USP4: variants seen among roughly 807,000 people sequenced by gnomAD.
The protein encoded by USP4 is ubiquitin carboxyl-terminal hydrolase 4.
Under a neutral mutation model 118.2 loss-of-function variants are expected in USP4, and 72 were observed. The ratio of observed to expected loss-of-function variants is 0.61; its 90% CI spans 0.50 to 0.74. The LOEUF (loss-of-function observed/expected upper bound fraction) is 0.74, where lower values mean the gene tolerates loss of function less well. USP4 is among the 30% of genes least tolerant of loss of function. The pLI is 0.00. For missense variants in USP4, 1,037 were observed against 1,185.7 expected (o/e 0.87, Z 1.84); for synonymous variants, 415 against 440.4 (o/e 0.94, Z 0.72).
At chr3:49,296,625 G>A (rs1431541581) in intron 13 of USP4, among the ~76,000 whole-genome samples, 1 of 152,072 alleles carries the variant, frequency 6.6e-6, no homozygotes, top group Admixed American at 6.6e-5. Context: ...CTCCTGCCTG[G>A]GAGACAGAGC....
Position 49,286,331 on chromosome 3 carries a change from A to G in USP4, c.1973-6T>C. ...CATTTCTTCCTCATCTTCTCCTGGC[A>G]CATAAATGGAAAACAATATGTATAT... is the stretch of plus-strand genomic sequence containing the variant. On this transcript the variant is annotated splice_region_variant and splice_polypyrimidine_tract_variant and intron_variant, in intron 15 of 21. Coordinates refer to ENST00000265560, the MANE Select transcript of USP4 (RefSeq NM_003363.4). 1 of 1,613,644 alleles carries G rather than the reference A, an allele frequency of 6.2e-7. No homozygotes were observed. Among genetic ancestry groups the G allele is most frequent in the Non-Finnish European group, 8.5e-7 (1 of 1,179,698 alleles).
At position 49,300,532 on chromosome 3, in the gene USP4, A is replaced by C; in HGVS notation, c.1447T>G (p.Leu483Val). 6.2e-7 allele frequency: 1 copy of C among 1,614,214 alleles called. No individual in the cohort carries two copies. Among genetic ancestry groups the C allele is most frequent in the Non-Finnish European group, 8.5e-7 (1 of 1,180,032 alleles). ...ACCTCCATAACTCGATCTTTCTTCAAGGGCAGTGGCAGCGTTAGATAGCAA... is the reference window on the plus strand; with the variant it reads ...ACCTCCATAACTCGATCTTTCTTCACGGGCAGTGGCAGCGTTAGATAGCAA... ...PFCYLTLPLP[L>V]KKDRVMEVFL... is the part of the protein sequence containing the mutation. Residue 483 changes from leucine to valine, a missense_variant, in exon 11 of 22, where the codon TTG becomes GTG. Coordinates refer to ENST00000265560, the MANE Select transcript of USP4 (RefSeq NM_003363.4).
chr3:49,327,803 C>G lies in USP4; in HGVS notation c.243G>C (p.Gln81His). Residue 81 changes from glutamine (Q) to histidine (H), a missense_variant, in exon 3 of 22, where the codon CAG becomes CAC. Coordinates refer to ENST00000265560, the MANE Select transcript of USP4 (RefSeq NM_003363.4). ...NSGLFSDPES[Q>H]TLKEHLIDEL... is the part of the protein sequence containing the mutation. Reference sequence around the variant, plus strand: ...CATCAATTAAGTGTTCTTTCAAGGTCTGACTCTCAGGATCTAAAAAAGGAA... The same window carrying G: ...CATCAATTAAGTGTTCTTTCAAGGTGTGACTCTCAGGATCTAAAAAAGGAA... 1 of 1,613,730 alleles carries G rather than the reference C, an allele frequency of 6.2e-7. No individual in the cohort carries two copies. Among genetic ancestry groups the G allele is most frequent in the African/African-American group, 1.3e-5 (1 of 75,026 alleles).
At chr3:49,308,410 C>T (rs1180600408) in intron 8 of USP4, among the ~76,000 whole-genome samples, 3 of 152,074 alleles carry the variant, frequency 2.0e-5, no homozygotes, top group Admixed American at 6.6e-5. Context: ...ACCTCCGCCT[C>T]CCGGGATCAA....
intron 7 of USP4, 36 bp from the exon 8 acceptor site, chr3:49,310,773 G>T (rs367715565): frequency 6.6e-7 from 1 of 1,523,490 alleles, no homozygotes; most frequent in East Asian, 2.3e-5. Context: ...ATAAAAGCAA[G>T]TGCATAACAC....
rs149212634 is a variant in USP4 at position 49,310,308 on chromosome 3, A to C, written c.954+312T>G. ...GCATCACCTGCTGTAAGTTTTCCTC[A>C]TCCCATCAGAGACCAATCAGGGATG... On this transcript the variant is annotated intron_variant, in intron 8 of 21. Transcript: ENST00000265560. 2.8e-3 allele frequency among the ~76,000 whole-genome samples: 433 copies of C among 152,282 alleles called. 2 individuals are homozygous for C. The highest frequency in any genetic ancestry group is 0.01 in the African/African-American group (421 of 41,572).
intron 6 of USP4, among the ~76,000 whole-genome samples, chr3:49,317,786 T>C (rs2047456773): frequency 6.6e-6 from 1 of 151,380 alleles, no homozygotes; most frequent in Admixed American, 6.6e-5. Context: ...TCTCCTGACC[T>C]CGTGATCCGC....
intron 11 of USP4, 81 bp downstream of exon 11, chr3:49,300,386 A>G: frequency 4.5e-6 from 6 of 1,327,980 alleles, no homozygotes; most frequent in South Asian, 1.2e-5. Flanking sequence ...GAGGCAGCCA[A>G]TGCAGCAGAT....
intron 20 of USP4, 63 bp downstream of exon 20, chr3:49,280,681 T>C: frequency 7.2e-7 from 1 of 1,394,854 alleles, no homozygotes; most frequent in Non-Finnish European, 1.0e-6. Flanking sequence ...CCTGGTCCAC[T>C]GGTGAGAGAT....
chr3:49,335,391 C>G (rs543624049), intron 2 of USP4, 78 bp downstream of exon 2: 19 of 1,588,298 alleles, frequency 1.2e-5, no homozygotes, highest in Non-Finnish European at 1.6e-5. Context: ...AAGTTCACAA[C>G]GTCCATGTTA....
intron 6 of USP4, among the ~76,000 whole-genome samples, chr3:49,315,979 G>A (rs1014188493): frequency 2.0e-5 from 3 of 152,066 alleles, no homozygotes; most frequent in Non-Finnish European, 2.9e-5. Flanking sequence ...TGAGGTGGGC[G>A]GATCACATGA....
intron 8 of USP4, among the ~76,000 whole-genome samples, chr3:49,308,806 T>C (rs1441593647): frequency 1.3e-5 from 2 of 151,306 alleles, no homozygotes; most frequent in African/African-American, 2.4e-5. Context: ...GGTGGGTGGA[T>C]CACCTGAGGC....
At chr3:49,281,934 C>G (rs866288229) in intron 19 of USP4, among the ~76,000 whole-genome samples, 38 of 151,948 alleles carry the variant, frequency 2.5e-4, no homozygotes, top group Middle Eastern at 3.4e-3. Context: ...TTGCTTGAAC[C>G]CAGGAGGCAG....
chr3:49,284,842 G>C lies in USP4; in HGVS notation c.2271+7C>G, dbSNP rs1465606849. ...ACACCACCGACCACGAACCCCGAGG[G>C]ACCTACCTCAGATTCTTGCTCATCA... On this transcript the variant is annotated splice_region_variant and intron_variant, in intron 17 of 21. Coordinates refer to ENST00000265560, the MANE Select transcript of USP4 (RefSeq NM_003363.4). 1.9e-6 allele frequency: 3 copies of C among 1,613,178 alleles called. No individual in the cohort carries two copies. The highest frequency in any genetic ancestry group is 1.3e-5 in the African/African-American group (1 of 74,888).
Position 49,314,443 on chromosome 3 carries a change from C to T in USP4, c.696-2789G>A, listed in dbSNP as rs1376501971. Reference sequence around the variant, plus strand: ...CAGCTGCACTAAGTGAGATTCACCACAGCCAAGGGTACTCTCATTCACCAC... The same window carrying T: ...CAGCTGCACTAAGTGAGATTCACCATAGCCAAGGGTACTCTCATTCACCAC... On this transcript the variant is annotated intron_variant, in intron 6 of 21. Transcript: ENST00000265560. Among the ~76,000 whole-genome samples the T allele has an allele frequency of 2.0e-5, 3 of 152,204 alleles. No individual in the cohort carries two copies. In the East Asian group the frequency reaches 5.8e-4, roughly 29 times the overall value.
At chr3:49,311,717 C>A in intron 6 of USP4, 63 bp from the exon 7 acceptor site, 1 of 1,577,042 alleles carries the variant, frequency 6.3e-7, no homozygotes, top group East Asian at 2.3e-5. Context: ...CTATTTAATG[C>A]CTTAGGTTGC....
At chr3:49,332,387 G>C (rs2047627234) in intron 2 of USP4, among the ~76,000 whole-genome samples, 1 of 150,868 alleles carries the variant, frequency 6.6e-6, no homozygotes, top group African/African-American at 2.4e-5. Flanking sequence ...GAGCCCAGGA[G>C]GTTAAGGCTG....
At chr3:49,286,933 T>C (rs2047100095) in intron 15 of USP4, among the ~76,000 whole-genome samples, 1 of 152,064 alleles carries the variant, frequency 6.6e-6, no homozygotes, top group African/African-American at 2.4e-5. Flanking sequence ...CACTGCAACC[T>C]TCACCTCCCA....
At chr3:49,321,340 C>T (rs1434559548) in intron 6 of USP4, among the ~76,000 whole-genome samples, 3 of 152,134 alleles carry the variant, frequency 2.0e-5, no homozygotes, top group Non-Finnish European at 4.4e-5. Context: ...CTTTCTCATC[C>T]TCAAGAATAG....
Sources: allele counts gnomAD v4.1 joint callset (sites outside exome capture counted in the v4.1 genomes callset), GRCh38; gene constraint gnomAD v4.1.1; transcripts MANE v1.5; gene names NCBI Gene and HGNC (gene_info 2026-07-23, HGNC 2026-07-21).